Variants in PAPOLA observed in about 807,000 individuals in gnomAD.
The protein encoded by PAPOLA is polynucleotide adenylyltransferase alpha.
PAPOLA carries 15 observed loss-of-function variants against 100.6 expected under a neutral mutation model. The ratio of observed to expected loss-of-function variants is 0.15; its 90% CI spans 0.10 to 0.23. PAPOLA has a LOEUF of 0.23. Among genes scored for constraint, PAPOLA ranks in the 10% least tolerant of loss-of-function variants. The probability of loss-of-function intolerance (pLI) is 1.00; values close to 1 mark genes in which losing one functional copy is unlikely to be tolerated. For missense variants in PAPOLA, 533 were observed against 884.2 expected (o/e 0.60, Z 5.04); for synonymous variants, 293 against 300.0 (o/e 0.98, Z 0.24).
At chr14:96,556,082 AT>A in intron 18 of PAPOLA, 92 bp from the exon 19 acceptor site, 2 of 1,217,906 alleles carry the variant, frequency 1.6e-6, no homozygotes, top group Non-Finnish European at 2.4e-6. Flanking sequence ...ATGTAAAGTT[AT>A]TCATGAAATC....
chr14:96,509,191 G>A (rs972543928), intron 1 of PAPOLA, among the ~76,000 whole-genome samples: 2 of 152,018 alleles, frequency 1.3e-5, no homozygotes, highest in African/African-American at 4.8e-5. Context: ...ACCACCATAC[G>A]TGGCCAATTT....
chr14:96,508,170 C>CTCTGGTGGTTTTCTGAACACTG (rs1224283512), intron 1 of PAPOLA, among the ~76,000 whole-genome samples: 1 of 152,198 alleles, frequency 6.6e-6, no homozygotes, highest in African/African-American at 2.4e-5. Context: ...CACGCCTGGC[C>CTCTGGTGGTTTTCTGAACACTG]TCTGGTGGTT....
chr14:96,522,112 C>CTTTTTTTTTTTT lies in PAPOLA; in HGVS notation c.249+1043_249+1044insTTTTTTTTTTTT, dbSNP rs1350167869. ...GCCACTGCATCTAGCCTCTTTCTTT[C>CTTTTTTTTTTTT]TTTCTTTTTTTTTTTTTTTTTTTTT... On this transcript the variant is annotated intron_variant, in intron 3 of 21. Coordinates refer to ENST00000216277, the MANE Select transcript of PAPOLA (RefSeq NM_032632.5). Among the ~76,000 whole-genome samples, 54 of 98,676 alleles carry CTTTTTTTTTTTT rather than the reference C, an allele frequency of 5.5e-4. 1 individual carries two copies. Among genetic ancestry groups the CTTTTTTTTTTTT allele is most frequent in the African/African-American group, 8.6e-4 (17 of 19,684 alleles). 64.7% of individuals were successfully genotyped at this position (98,676 alleles called of 152,430 possible). A position where few individuals can be genotyped will look rare whatever the true frequency, so the allele number is the denominator to read the frequency against.
chr14:96,535,422 G>A, intron 10 of PAPOLA: 1 of 983,322 alleles, frequency 1.0e-6, no homozygotes, highest in Non-Finnish European at 1.2e-6. Context: ...GGATAATGTA[G>A]TTTCACCGCG....
intron 1 of PAPOLA, among the ~76,000 whole-genome samples, chr14:96,516,404 C>T (rs887173640): frequency 6.9e-6 from 1 of 144,448 alleles, no homozygotes; most frequent in Non-Finnish European, 1.5e-5. Context: ...CTCCCTCCCT[C>T]CCTCCTGGGC....
At chr14:96,504,089 ATTG>A (rs1006431898) in intron 1 of PAPOLA, among the ~76,000 whole-genome samples, 8 of 152,168 alleles carry the variant, frequency 5.3e-5, no homozygotes, top group Non-Finnish European at 1.0e-4. Flanking sequence ...TCTAAGCAAG[ATTG>A]TTGTGGTGTT....
chr14:96,520,619 C>G (rs1232297556), intron 2 of PAPOLA, among the ~76,000 whole-genome samples: 2 of 152,150 alleles, frequency 1.3e-5, no homozygotes, highest in African/African-American at 4.8e-5. Context: ...CTTGGTCTCC[C>G]AAAGTGTTGG....
intron 12 of PAPOLA, among the ~76,000 whole-genome samples, chr14:96,541,246 A>G (rs1401490988): frequency 2.6e-5 from 4 of 152,196 alleles, no homozygotes; most frequent in African/African-American, 2.4e-5. Flanking sequence ...CTCTGGGTCT[A>G]GGTCAGATTT....
chr14:96,560,783 A>C (rs1184315350), intron 20 of PAPOLA, 72 bp downstream of exon 20: 8 of 1,004,040 alleles, frequency 8.0e-6, no homozygotes, highest in Non-Finnish European at 1.1e-5. Context: ...TGTCTCTAAA[A>C]TATTGTATTT....
rs1201577352 is a variant in PAPOLA, at chr14:96,565,706, T to C, written c.*656T>C. The C allele has an allele frequency of 1.3e-5, 5 of 397,760 alleles. No individual in the cohort carries two copies. Among genetic ancestry groups the C allele is most frequent in the African/African-American group, 4.1e-5 (2 of 48,586 alleles). The allele number at this position is 397,760 out of a possible 1,614,324, so 24.6% of individuals were successfully genotyped here. A position where few individuals can be genotyped will look rare whatever the true frequency, so the allele number is the denominator to read the frequency against. Reference sequence around the variant, plus strand: ...ATAGGGTCATGATTAAGAAATGATATATTGGTTTTATTTATGGAATTGTTT... The same window carrying C: ...ATAGGGTCATGATTAAGAAATGATACATTGGTTTTATTTATGGAATTGTTT... On this transcript the variant is annotated 3_prime_UTR_variant, in exon 22 of 22. Coordinates refer to ENST00000216277, the MANE Select transcript of PAPOLA (RefSeq NM_032632.5).
chr14:96,527,518 G>A lies in PAPOLA; in HGVS notation c.420G>A (p.Gln140=). The A allele has an allele frequency of 6.3e-7, 1 of 1,590,268 alleles. No individual in the cohort carries two copies. The highest frequency in any genetic ancestry group is 8.6e-7 in the Non-Finnish European group (1 of 1,158,540). The part of the protein sequence containing the change: ...FTSFYDKLKL[Q]EEVKDLRAVE... ...CATTCTATGATAAGTTGAAATTACA[G>A]GAAGAAGTAAAAGATTTAAGAGTGC... The change falls in exon 5 of 22, where the codon CAG becomes CAA. Residue 140 remains glutamine, a synonymous_variant. Transcript: ENST00000216277.
In PAPOLA at chr14:96,552,469, A is replaced by T. The variant is rs1161546769; in HGVS notation, c.1522-11A>T. 2 of 1,608,580 alleles carry T rather than the reference A, an allele frequency of 1.2e-6. No homozygotes were observed. Among genetic ancestry groups the T allele is most frequent in the Non-Finnish European group, 1.7e-6 (2 of 1,175,942 alleles). On this transcript the variant is annotated splice_polypyrimidine_tract_variant and intron_variant, in intron 16 of 21. Transcript: ENST00000216277. ...AAAGATATATTTGATAAAATGTTTT[A>T]TTGTTTGCAGCATTCAACAGAAGGT... is the stretch of plus-strand genomic sequence containing the variant.
chr14:96,566,242 C>A lies in PAPOLA; in HGVS notation c.*1192C>A. ...TGTCAGTACATTTTACGTGTAGAAG[C>A]ATTTTAAAAATCATTTCTAGCAAGC... On this transcript the variant is annotated 3_prime_UTR_variant, in exon 22 of 22. Coordinates refer to ENST00000216277, the MANE Select transcript of PAPOLA (RefSeq NM_032632.5). 4.1e-6 allele frequency: 1 copy of A among 244,062 alleles called. No homozygotes were observed. The allele number at this position is 244,062 out of a possible 1,614,324, so 15.1% of individuals were successfully genotyped here.
At position 96,556,350 on chromosome 14, in the gene PAPOLA, A is replaced by G. The variant is rs1364935784; in HGVS notation, c.1941A>G (p.Val647=). The G allele has an allele frequency of 1.2e-6, 2 of 1,614,040 alleles. No individual in the cohort carries two copies. Among genetic ancestry groups the G allele is most frequent in the African/African-American group, 1.3e-5 (1 of 74,934 alleles). The change falls in exon 19 of 22, where the codon GTA becomes GTG. Residue 647 remains valine, a synonymous_variant. Transcript: ENST00000216277. ...NAATKIPTPI[V]GVKRTSSPHK... ...CAACAAAAATACCTACTCCTATAGT[A>G]GGAGTCAAGAGGACATCCTCACCTC...
intron 16 of PAPOLA, among the ~76,000 whole-genome samples, chr14:96,550,023 T>A (rs1346320927): frequency 6.6e-6 from 1 of 152,138 alleles, no homozygotes; most frequent in African/African-American, 2.4e-5. Context: ...GGCCTGGGCC[T>A]TATAGTCCTA....
intron 19 of PAPOLA, among the ~76,000 whole-genome samples, chr14:96,559,460 T>C (rs1369350356): frequency 6.6e-6 from 1 of 151,800 alleles, no homozygotes; most frequent in East Asian, 1.9e-4. Context: ...ATGGTCATCA[T>C]ATCCTAAGGT....
intron 19 of PAPOLA, among the ~76,000 whole-genome samples, chr14:96,558,174 A>G (rs1157208396): frequency 6.6e-6 from 1 of 152,052 alleles, no homozygotes; most frequent in Non-Finnish European, 1.5e-5. Flanking sequence ...TTGTTTTTCA[A>G]TAAAGATTTT....
intron 12 of PAPOLA, among the ~76,000 whole-genome samples, chr14:96,541,439 C>T (rs1028787290): frequency 4.5e-4 from 68 of 152,124 alleles, no homozygotes; most frequent in Middle Eastern, 3.4e-3. Context: ...AATTTGGCCC[C>T]CAGCACTTCT....
At chr14:96,537,103 A>G (rs1230332961) in intron 12 of PAPOLA, 43 bp downstream of exon 12, 1 of 974,784 alleles carries the variant, frequency 1.0e-6, no homozygotes, top group East Asian at 2.4e-5. Flanking sequence ...TCTCTTAAGT[A>G]ATGGTTTAAT....
Sources: allele counts gnomAD v4.1 joint callset (sites outside exome capture counted in the v4.1 genomes callset), GRCh38; gene constraint gnomAD v4.1.1; transcripts MANE v1.5; gene names NCBI Gene and HGNC (gene_info 2026-07-23, HGNC 2026-07-21).